The following GRIP2 variants were observed in gnomAD, a reference collection of about 807,000 sequenced individuals.
The protein encoded by GRIP2 is glutamate receptor-interacting protein 2.
A neutral mutation model predicts 108.3 loss-of-function variants in GRIP2; 58 were observed. That is an observed-to-expected ratio of 0.54 (90% CI 0.43 to 0.67). The LOEUF is 0.67. Among genes scored for constraint, GRIP2 ranks in the 30% least tolerant of loss-of-function variants. The pLI is 0.00. For missense variants in GRIP2, 1,278 were observed against 1,430.6 expected (o/e 0.89, Z 1.72); for synonymous variants, 586 against 598.2 (o/e 0.98, Z 0.30).
intron 1 of GRIP2, among the ~76,000 whole-genome samples, chr3:14,553,746 TGAA>T (rs1323099565): frequency 6.6e-6 from 1 of 152,202 alleles, no homozygotes; most frequent in East Asian, 1.9e-4. Flanking sequence ...AAAAAGATTT[TGAA>T]GAAGAAGACA....
intron 1 of GRIP2, among the ~76,000 whole-genome samples, chr3:14,532,426 A>G (rs1306986740): frequency 6.6e-5 from 10 of 151,982 alleles, no homozygotes; most frequent in Admixed American, 6.6e-5. Context: ...CCTTCGCACT[A>G]TGGGTATTTT....
At chr3:14,501,693 TTG>T (rs1258345522) in intron 21 of GRIP2, among the ~76,000 whole-genome samples, 6 of 152,242 alleles carry the variant, frequency 3.9e-5, no homozygotes, top group African/African-American at 1.4e-4. Context: ...GGTGGGAATG[TTG>T]TGTCCTTAAG....
intron 1 of GRIP2, among the ~76,000 whole-genome samples, chr3:14,532,215 C>T (rs970632029): frequency 1.3e-5 from 2 of 152,206 alleles, no homozygotes; most frequent in African/African-American, 4.8e-5. Flanking sequence ...GGAGAAAAGA[C>T]GGGAGAAGGT....
the GRIP2 span, among the ~76,000 whole-genome samples, chr3:14,596,468 A>G: frequency 1.3e-5 from 2 of 152,252 alleles, no homozygotes; most frequent in South Asian, 4.1e-4. Flanking sequence ...TAAGGCCCAC[A>G]TTCTCTGGTT....
the GRIP2 span, among the ~76,000 whole-genome samples, chr3:14,561,452 T>C: frequency 6.6e-6 from 1 of 152,194 alleles, no homozygotes; most frequent in Non-Finnish European, 1.5e-5. Flanking sequence ...GTTCCCCCTG[T>C]TGTCAAAGGT....
At position 14,511,232 on chromosome 3, in the gene GRIP2, G is replaced by T. The variant is rs770515703; in HGVS notation, c.1866C>A (p.Ala622=). 14 of 1,613,832 alleles carry T rather than the reference G, an allele frequency of 8.7e-6. No individual in the cohort carries two copies. The highest frequency in any genetic ancestry group is 1.2e-5 in the Non-Finnish European group (14 of 1,179,890). The part of the protein sequence containing the change: ...IRLDNCPMED[A]VQILRQCEDL... ...CCTCGCACTGCCGCAGGATTTGCAC[G>T]GCGTCCTCCATGGGGCAGTTGTCCA... The change falls in exon 16 of 24, where the codon GCC becomes GCA. Residue 622 remains alanine (A), a synonymous_variant. Transcript: ENST00000621039. This position sits in a 1 kb window ranked among gnomAD's most constrained non-coding sequence, Gnocchi z 4.1.
rs1350608691 is a variant in GRIP2 at position 14,524,374 on chromosome 3, C to T, written c.403+19G>A. 6.2e-7 allele frequency: 1 copy of T among 1,605,388 alleles called. No individual in the cohort carries two copies. The highest frequency in any genetic ancestry group is 1.1e-5 in the South Asian group (1 of 88,938). ...GCAACCGAGGCAGTGGAGAAAGTTCCCCGTCCAAGGGCACCCACCGGGCGG... is the reference window on the plus strand; with the variant it reads ...GCAACCGAGGCAGTGGAGAAAGTTCTCCGTCCAAGGGCACCCACCGGGCGG... On this transcript the variant is annotated intron_variant, in intron 4 of 23. Transcript: ENST00000621039.
At chr3:14,597,821 A>G in the GRIP2 span, among the ~76,000 whole-genome samples, 2 of 152,336 alleles carry the variant, frequency 1.3e-5, no homozygotes, top group South Asian at 2.1e-4. Flanking sequence ...GCATGCTGAC[A>G]TCATGATCCA....
upstream of GRIP2, among the ~76,000 whole-genome samples, chr3:14,546,691 C>T (rs1198742454): frequency 6.6e-6 from 1 of 152,168 alleles, no homozygotes; most frequent in South Asian, 2.1e-4. Flanking sequence ...GCAAATGACC[C>T]CAAGTTCATG....
At chr3:14,501,907 T>C (rs920209863) in intron 21 of GRIP2, among the ~76,000 whole-genome samples, 14 of 151,922 alleles carry the variant, frequency 9.2e-5, no homozygotes, top group African/African-American at 3.1e-4. Flanking sequence ...AATCTCCAAA[T>C]TGGAGATTGT....
At chr3:14,539,442 G>T (rs746515432) in intron 1 of GRIP2, among the ~76,000 whole-genome samples, 1 of 152,120 alleles carries the variant, frequency 6.6e-6, no homozygotes, top group Non-Finnish European at 1.5e-5. Context: ...AGTCATCGGG[G>T]TGTCAATCCC....
chr3:14,505,794 T>A lies in GRIP2; in HGVS notation c.2399-5A>T. On this transcript the variant is annotated splice_region_variant and splice_polypyrimidine_tract_variant and intron_variant, in intron 19 of 23. Transcript: ENST00000621039. The surrounding 1 kb of genome is among the most constrained non-coding windows in gnomAD (Gnocchi z 4.2). ...CTGCCTGTGGTGTATAGGACCCTGG[T>A]GGTGGAGAGAGGGCCTCTGTGTTCC... 6.6e-7 allele frequency: 1 copy of A among 1,513,808 alleles called. No homozygotes were observed. The highest frequency in any genetic ancestry group is 1.3e-5 in the South Asian group (1 of 75,070). The allele number at this position is 1,513,808 out of a possible 1,614,324, so 93.8% of individuals were successfully genotyped here. A position where few individuals can be genotyped will look rare whatever the true frequency, so the allele number is the denominator to read the frequency against.
chr3:14,494,753 T>C (rs1317423271), intron 23 of GRIP2, 90 bp downstream of exon 23: 1 of 1,446,416 alleles, frequency 6.9e-7, no homozygotes, highest in East Asian at 2.5e-5. Flanking sequence ...TGTCCTGCCC[T>C]CTTCACAGGC....
chr3:14,535,537 C>T lies in GRIP2; in HGVS notation c.40+4732G>A, dbSNP rs116283913. On this transcript the variant is annotated intron_variant, in intron 1 of 23. Coordinates refer to ENST00000621039, the MANE Select transcript of GRIP2 (RefSeq NM_001080423.4). ...TGCTGGTTTCTGTGCTTCCTAAGCA[C>T]GATCTCATTTAATCCTCACCACTTT... Among the ~76,000 whole-genome samples, 451 of 152,334 alleles carry T rather than the reference C, an allele frequency of 3.0e-3. 4 individuals are homozygous for T. The highest frequency in any genetic ancestry group is 0.012 in the South Asian group (58 of 4,826).
chr3:14,597,348 A>G, the GRIP2 span, among the ~76,000 whole-genome samples: 7 of 152,226 alleles, frequency 4.6e-5, no homozygotes, highest in African/African-American at 1.7e-4. Context: ...CCCCATTAGG[A>G]TGGCAGGGAA....
chr3:14,602,531 A>G, the GRIP2 span, among the ~76,000 whole-genome samples: 2 of 151,368 alleles, frequency 1.3e-5, no homozygotes, highest in Non-Finnish European at 3.0e-5. The surrounding 1 kb of genome is among the most constrained non-coding windows in gnomAD (Gnocchi z 4.7). Context: ...TGGAGGGAGC[A>G]GGTGAGGCAC....
chr3:14,508,313 G>A (rs1000571743), intron 17 of GRIP2, among the ~76,000 whole-genome samples: 3 of 152,232 alleles, frequency 2.0e-5, no homozygotes. Flanking sequence ...GACCTGAGGA[G>A]CTTTTTGAAA....
rs371768125 is a variant in GRIP2 at position 14,505,755 on chromosome 3, C to T, written c.2433G>A (p.Thr811=). The T allele has an allele frequency of 5.7e-6, 9 of 1,574,186 alleles. No individual in the cohort carries two copies. The highest frequency in any genetic ancestry group is 3.5e-5 in the South Asian group (3 of 85,688). The change falls in exon 20 of 24, where the codon ACG becomes ACA. Residue 811 remains threonine (T), a synonymous_variant. Coordinates refer to ENST00000621039, the MANE Select transcript of GRIP2 (RefSeq NM_001080423.4). This position sits in a 1 kb window ranked among gnomAD's most constrained non-coding sequence, Gnocchi z 4.2. ...AGCCAGGCCTCCGCTCCTGGGGGGT[C>T]GTGCCCCGGGCTGCTGCCTGTGGTG... ...SYTPQAAARG[T]TPQERRPGWL...
exon 1 of GRIP2, chr3:14,556,017 C>T (rs1418849869): frequency 7.5e-6 from 3 of 398,640 alleles, no homozygotes; most frequent in Non-Finnish European, 1.3e-5. Context: ...CGCCTGGAGC[C>T]GGCGCTCCTG....
Sources: allele counts gnomAD v4.1 joint callset (sites outside exome capture counted in the v4.1 genomes callset), GRCh38; gene constraint gnomAD v4.1.1; non-coding constraint Gnocchi (gnomAD v3.1); transcripts MANE v1.5; gene names NCBI Gene and HGNC (gene_info 2026-07-23, HGNC 2026-07-21).